Variants in SLC25A21 observed in about 807,000 individuals in gnomAD.
The protein encoded by SLC25A21 is solute carrier family 25 member 21.
In SLC25A21, 47 loss-of-function variants were observed where a neutral mutation model predicts 43.8. The ratio of observed to expected loss-of-function variants is 1.07; its 90% CI spans 0.85 to 1.37. SLC25A21 has a LOEUF of 1.37. SLC25A21 is among the 40% of genes most tolerant of loss of function. The pLI is 0.00. For synonymous variants in SLC25A21, 131 were observed against 121.3 expected (o/e 1.08, Z -0.52); for missense variants, 352 against 350.2 (o/e 1.00, Z -0.04).
At chr14:36,931,621 A>C (rs1010580671) in intron 1 of SLC25A21, among the ~76,000 whole-genome samples, 2 of 152,092 alleles carry the variant, frequency 1.3e-5, no homozygotes, top group Non-Finnish European at 2.9e-5. Context: ...TGGAAGGGGA[A>C]CATTATTGGG....
intron 1 of SLC25A21, among the ~76,000 whole-genome samples, chr14:36,923,365 A>C (rs906893916): frequency 3.9e-5 from 6 of 152,190 alleles, no homozygotes; most frequent in African/African-American, 1.4e-4. Context: ...GAGTAAAATA[A>C]AGACTTTTTC....
intron 3 of SLC25A21, among the ~76,000 whole-genome samples, chr14:36,770,454 A>G (rs544185714): frequency 6.6e-6 from 1 of 152,326 alleles, no homozygotes; most frequent in East Asian, 1.9e-4. Context: ...CATGTGTACT[A>G]CAAACCTCAG....
At chr14:36,815,734 A>G (rs573145982) in intron 2 of SLC25A21, among the ~76,000 whole-genome samples, 1 of 152,178 alleles carries the variant, frequency 6.6e-6, no homozygotes, top group African/African-American at 2.4e-5. Flanking sequence ...AAAGAGGTTT[A>G]TAACAAGTAC....
chr14:36,906,478 T>A (rs1239816067), intron 1 of SLC25A21, among the ~76,000 whole-genome samples: 1 of 151,686 alleles, frequency 6.6e-6, no homozygotes, highest in East Asian at 1.9e-4. Flanking sequence ...GCAACAGGTC[T>A]AGATTCTGGG....
intron 1 of SLC25A21, among the ~76,000 whole-genome samples, chr14:37,132,658 C>T (rs1963410182): frequency 6.6e-6 from 1 of 151,902 alleles, no homozygotes; most frequent in Admixed American, 6.6e-5. Flanking sequence ...CTTTCTTTTC[C>T]CTCTCCATTT....
In SLC25A21 at chr14:36,971,980, T is replaced by C. The variant is rs534474530; in HGVS notation, c.71-96976A>G. On this transcript the variant is annotated intron_variant, in intron 1 of 9. Coordinates refer to ENST00000331299, the MANE Select transcript of SLC25A21 (RefSeq NM_030631.4). ...ATTACTTTTTAATTGTGTGTATATA[T>C]ACACACACATATATACAGTTATGTG... 2.0e-5 allele frequency among the ~76,000 whole-genome samples: 3 copies of C among 152,292 alleles called. No homozygotes were observed. In the East Asian group the frequency reaches 5.8e-4, roughly 29 times the overall value.
intron 1 of SLC25A21, among the ~76,000 whole-genome samples, chr14:37,004,926 ATTT>A (rs35750060): frequency 7.0e-5 from 10 of 143,150 alleles, no homozygotes; most frequent in African/African-American, 1.8e-4. Context: ...CAGGGAAGGA[ATTT>A]TTTTTTTTTT....
chr14:36,935,242 A>G (rs1892391764), intron 1 of SLC25A21, among the ~76,000 whole-genome samples: 2 of 152,144 alleles, frequency 1.3e-5, no homozygotes, highest in South Asian at 4.1e-4. Flanking sequence ...TCCTAACAGG[A>G]TAATCTTGAA....
chr14:37,023,347 G>A (rs1961027042), intron 1 of SLC25A21, among the ~76,000 whole-genome samples: 1 of 151,864 alleles, frequency 6.6e-6, no homozygotes, highest in Non-Finnish European at 1.5e-5. Flanking sequence ...GGCACAATTG[G>A]ACACCCATTT....
intron 1 of SLC25A21, among the ~76,000 whole-genome samples, chr14:37,072,042 C>T (rs1260540787): frequency 6.6e-6 from 1 of 151,864 alleles, no homozygotes; most frequent in Admixed American, 6.6e-5. Flanking sequence ...ATTAGCTGGG[C>T]ATGGTGGCAG....
chr14:36,924,127 A>G (rs1215268470), intron 1 of SLC25A21, among the ~76,000 whole-genome samples: 1 of 152,118 alleles, frequency 6.6e-6, no homozygotes, highest in Non-Finnish European at 1.5e-5. Flanking sequence ...GCGATTCCTC[A>G]GGGATCTAGA....
rs78780248 is a variant in SLC25A21 at position 36,918,277 on chromosome 14, G to GC, written c.71-43274dup. The stretch of plus-strand genomic sequence containing the variant: ...GTTCCAGATGTCCACAAACAGCCCT[G>GC]CTATAGCATCAGACTCATGGGTCAC... On this transcript the variant is annotated intron_variant, in intron 1 of 9. Transcript: ENST00000331299. 1.6e-3 allele frequency among the ~76,000 whole-genome samples: 251 copies of GC among 152,234 alleles called. 2 individuals are homozygous for GC. In the East Asian group the frequency reaches 0.039, roughly 23 times the overall value.
chr14:37,139,880 C>T (rs183734517), intron 1 of SLC25A21, among the ~76,000 whole-genome samples: 31 of 152,288 alleles, frequency 2.0e-4, no homozygotes, highest in African/African-American at 7.2e-4. Flanking sequence ...CAGCTAAATA[C>T]TTGAGATGAA....
At chr14:36,876,140 A>G (rs1156538270) in intron 1 of SLC25A21, among the ~76,000 whole-genome samples, 7 of 152,184 alleles carry the variant, frequency 4.6e-5, no homozygotes. Context: ...ATTTACCTCC[A>G]TTTATAAACT....
At chr14:36,776,925 T>C (rs972391120) in intron 3 of SLC25A21, among the ~76,000 whole-genome samples, 1 of 152,200 alleles carries the variant, frequency 6.6e-6, no homozygotes, top group African/African-American at 2.4e-5. Flanking sequence ...TCATGCTTCC[T>C]GAGAGGTCTT....
intron 1 of SLC25A21, among the ~76,000 whole-genome samples, chr14:36,974,939 T>A (rs1041243557): frequency 2.0e-5 from 3 of 152,182 alleles, no homozygotes; most frequent in African/African-American, 7.2e-5. Context: ...GTCCTCTGAC[T>A]CCTTGACCTA....
intron 1 of SLC25A21, among the ~76,000 whole-genome samples, chr14:37,147,844 C>CTTTT (rs61239254): frequency 0.5 from 62,790 of 126,006 alleles, 18,721 homozygotes; most frequent in Non-Finnish European, 0.63. Flanking sequence ...TTTTTCTTTT[C>CTTTT]TTTTTTTTTT....
chr14:37,024,760 A>T (rs1214983378), intron 1 of SLC25A21, among the ~76,000 whole-genome samples: 3 of 152,102 alleles, frequency 2.0e-5, no homozygotes, highest in African/African-American at 7.2e-5. Context: ...ACAAAGCAAC[A>T]GATTAGAATT....
chr14:36,930,863 G>C (rs1006041194), intron 1 of SLC25A21, among the ~76,000 whole-genome samples: 1 of 152,062 alleles, frequency 6.6e-6, no homozygotes, highest in Non-Finnish European at 1.5e-5. Context: ...CTTGTAACTG[G>C]CTGAGAGAGT....
Sources: gnomAD v4.1 joint callset for allele counts (sites outside exome capture counted in the v4.1 genomes callset) on GRCh38, gnomAD v4.1.1 for gene constraint, MANE v1.5 for transcripts, NCBI Gene and HGNC (gene_info 2026-07-23, HGNC 2026-07-21) for gene names.